The following DIAPH3 variants were observed in gnomAD, a reference collection of about 807,000 sequenced individuals.
DIAPH3 encodes diaphanous related formin 3.
In DIAPH3, 117 loss-of-function variants were observed where a neutral mutation model predicts 144.3. The ratio of observed to expected loss-of-function variants is 0.81; its 90% CI spans 0.70 to 0.95. The LOEUF (loss-of-function observed/expected upper bound fraction) is 0.95, where lower values mean the gene tolerates loss of function less well. Ranked by LOEUF, DIAPH3 falls within the 40% of genes least tolerant of loss-of-function variation. DIAPH3 has a pLI of 0.00. For synonymous variants in DIAPH3, 519 were observed against 488.9 expected, an observed-to-expected ratio of 1.06 and a Z score of -0.81; for missense variants, 1,421 against 1,412.7, an observed-to-expected ratio of 1.01 and a Z score of -0.09.
At chr13:59,668,854 C>T (rs2032180821) in intron 27 of DIAPH3, among the ~76,000 whole-genome samples, 1 of 151,624 alleles carries the variant, frequency 6.6e-6, no homozygotes, top group African/African-American at 2.4e-5. Context: ...TACACACACA[C>T]ACACACACAC....
At chr13:60,057,994 T>A (rs1211526113) in intron 4 of DIAPH3, among the ~76,000 whole-genome samples, 1 of 151,732 alleles carries the variant, frequency 6.6e-6, no homozygotes, top group African/African-American at 2.4e-5. Flanking sequence ...GCAAATAATT[T>A]ATGAGTGAGA....
chr13:60,010,713 T>C (rs767487761), intron 7 of DIAPH3, 44 bp from the exon 8 acceptor site: 1 of 1,581,640 alleles, frequency 6.3e-7, no homozygotes, highest in Non-Finnish European at 8.7e-7. Flanking sequence ...AGAAATTAGT[T>C]AGAAAAATAA....
chr13:59,862,881 C>T (rs978449299), intron 21 of DIAPH3, among the ~76,000 whole-genome samples: 1 of 152,102 alleles, frequency 6.6e-6, no homozygotes, highest in Non-Finnish European at 1.5e-5. Flanking sequence ...CATTTTTGCT[C>T]TCCAAGAACC....
chr13:59,945,950 C>T (rs865974697), intron 17 of DIAPH3, among the ~76,000 whole-genome samples: 2 of 152,078 alleles, frequency 1.3e-5, no homozygotes, highest in Non-Finnish European at 2.9e-5. Flanking sequence ...AAAATGAAGA[C>T]GAACACTCTG....
In DIAPH3 at chr13:60,067,974, T is replaced by C. The variant is rs143567641; in HGVS notation, c.496-25154A>G. The stretch of plus-strand genomic sequence containing the variant: ...ATTCCATTATTTCTTAATAGAATCA[T>C]CTTATATGATTTTCTGCAGATTTGC... On this transcript the variant is annotated intron_variant, in intron 4 of 27. Coordinates refer to ENST00000400324, the MANE Select transcript of DIAPH3 (RefSeq NM_001042517.2). 1.5e-4 allele frequency among the ~76,000 whole-genome samples: 23 copies of C among 152,296 alleles called. No individual in the cohort carries two copies. In the East Asian group the frequency reaches 4.4e-3, roughly 29 times the overall value.
intron 22 of DIAPH3, among the ~76,000 whole-genome samples, chr13:59,851,635 C>CTTTTTTTTTTTTTTTTTTTTTTTTT (rs200870976): frequency 8.9e-6 from 1 of 112,392 alleles, no homozygotes; most frequent in Non-Finnish European, 1.9e-5. Context: ...ATAGATGAAT[C>CTTTTTTTTTTTTTTTTTTTTTTTTT]TTTTTTTTTT....
At chr13:59,977,309 G>T (rs1214658930) in intron 14 of DIAPH3, among the ~76,000 whole-genome samples, 1 of 151,830 alleles carries the variant, frequency 6.6e-6, no homozygotes, top group Admixed American at 6.6e-5. Flanking sequence ...AAACTTACTA[G>T]CATTTCAGCG....
chr13:59,901,688 C>CA (rs1329770053), intron 20 of DIAPH3, among the ~76,000 whole-genome samples: 1 of 152,056 alleles, frequency 6.6e-6, no homozygotes, highest in Non-Finnish European at 1.5e-5. Context: ...AAATATTTGT[C>CA]AAAAAATGAA....
intron 4 of DIAPH3, among the ~76,000 whole-genome samples, chr13:60,080,543 T>C (rs1326037290): frequency 6.6e-6 from 1 of 151,806 alleles, no homozygotes; most frequent in Non-Finnish European, 1.5e-5. Context: ...GAAATTAAGG[T>C]AGGTAAAGTT....
At chr13:60,098,497 GA>G (rs1304697736) in intron 3 of DIAPH3, among the ~76,000 whole-genome samples, 1 of 152,056 alleles carries the variant, frequency 6.6e-6, no homozygotes, top group Non-Finnish European at 1.5e-5. Flanking sequence ...AAGGAGCTGG[GA>G]GGGGGTACTA....
chr13:59,996,441 T>A (rs1278490414), intron 9 of DIAPH3, among the ~76,000 whole-genome samples: 3 of 152,004 alleles, frequency 2.0e-5, no homozygotes, highest in Non-Finnish European at 2.9e-5. Context: ...TCAAAAAGGG[T>A]CTTCTGTGAG....
intron 1 of DIAPH3, among the ~76,000 whole-genome samples, chr13:60,156,398 A>G (rs1346276625): frequency 6.6e-6 from 1 of 152,238 alleles, no homozygotes; most frequent in Non-Finnish European, 1.5e-5. Flanking sequence ...AAACTCAAAC[A>G]AGGGCCAGAT....
At chr13:59,887,279 T>A (rs1455424169) in intron 20 of DIAPH3, among the ~76,000 whole-genome samples, 1 of 152,046 alleles carries the variant, frequency 6.6e-6, no homozygotes, top group Non-Finnish European at 1.5e-5. Context: ...ATACTCTCCT[T>A]ATTAAGTTCA....
intron 21 of DIAPH3, among the ~76,000 whole-genome samples, chr13:59,868,588 C>T (rs547395912): frequency 3.5e-4 from 53 of 152,214 alleles, no homozygotes; most frequent in African/African-American, 1.2e-3. Flanking sequence ...CTAGTTTCCA[C>T]GTTAAGGTTC....
chr13:60,017,902 C>T (rs1213178398), intron 5 of DIAPH3, among the ~76,000 whole-genome samples: 3 of 152,160 alleles, frequency 2.0e-5, no homozygotes, highest in South Asian at 2.1e-4. Flanking sequence ...TCACTATCAG[C>T]GACACACAGA....
intron 27 of DIAPH3, among the ~76,000 whole-genome samples, chr13:59,715,131 G>A (rs1038081098): frequency 2.6e-5 from 4 of 151,896 alleles, no homozygotes; most frequent in African/African-American, 7.3e-5. Context: ...CCTCTCTTTC[G>A]TTCATCTAAT....
At chr13:59,728,085 T>C (rs1427268832) in intron 27 of DIAPH3, among the ~76,000 whole-genome samples, 2 of 151,098 alleles carry the variant, frequency 1.3e-5, no homozygotes, top group Non-Finnish European at 3.0e-5. Flanking sequence ...AAACAGGGCA[T>C]CAAAAAAAAC....
intron 4 of DIAPH3, among the ~76,000 whole-genome samples, chr13:60,044,014 G>A (rs933386798): frequency 3.3e-5 from 5 of 150,336 alleles, no homozygotes; most frequent in Admixed American, 3.3e-4. Context: ...GCATATACAG[G>A]AAAAAAAAAT....
chr13:59,684,270 T>A lies in DIAPH3; in HGVS notation c.3320-17424A>T, dbSNP rs143161258. Among the ~76,000 whole-genome samples, 38 of 152,324 alleles carry A rather than the reference T, an allele frequency of 2.5e-4. 1 individual carries two copies. In the East Asian group the frequency reaches 7.3e-3, roughly 29 times the overall value. ...GAGCTTTCTGCCACGGAGCAACCTT[T>A]ATGTTTATCAAGCTGTACGCTTATT... On this transcript the variant is annotated intron_variant, in intron 27 of 27. Coordinates refer to ENST00000400324, the MANE Select transcript of DIAPH3 (RefSeq NM_001042517.2).
Sources: gnomAD v4.1 joint callset for allele counts (sites outside exome capture counted in the v4.1 genomes callset) on GRCh38, gnomAD v4.1.1 for gene constraint, MANE v1.5 for transcripts, NCBI Gene and HGNC (gene_info 2026-07-23, HGNC 2026-07-21) for gene names.